The following UBE3A variants were observed in gnomAD, a reference collection of about 807,000 sequenced individuals.
UBE3A encodes ubiquitin protein ligase E3A.
A neutral mutation model predicts 83.4 loss-of-function variants in UBE3A; 6 were observed. That is an observed-to-expected ratio of 0.07 (90% CI 0.04 to 0.14). UBE3A has a LOEUF of 0.14. UBE3A is among the 10% of genes least tolerant of loss of function. UBE3A has a pLI of 1.00. For synonymous variants in UBE3A, 337 were observed against 355.4 expected, an observed-to-expected ratio of 0.95 and a Z score of 0.58; for missense variants, 456 against 1,036.1, an observed-to-expected ratio of 0.44 and a Z score of 7.69.
chr15:25,353,925 ATAT>A (rs2076872896), intron 11 of UBE3A: 1 of 240,236 alleles, frequency 4.2e-6, no homozygotes. Flanking sequence ...GTATCTGGAC[ATAT>A]TATCTTAAGA....
chr15:25,395,040 T>C (rs1040430776), intron 4 of UBE3A, among the ~76,000 whole-genome samples: 8 of 152,158 alleles, frequency 5.3e-5, no homozygotes, highest in African/African-American at 1.9e-4. Context: ...AGGAAAAGCA[T>C]CATTTGAGCA....
At chr15:25,368,387 T>A (rs781272049) in intron 6 of UBE3A, among the ~76,000 whole-genome samples, 470 of 151,890 alleles carry the variant, frequency 3.1e-3, no homozygotes, top group Non-Finnish European at 4.8e-3. Flanking sequence ...GTTATTTTTT[T>A]AAAAAAAAGA....
chr15:25,339,558 C>A, intron 12 of UBE3A: 1 of 289,902 alleles, frequency 3.4e-6, no homozygotes, highest in Non-Finnish European at 6.5e-6. Context: ...ACAACAAAAC[C>A]ACAGAGAGGA....
chr15:25,334,145 A>T lies in UBE3A; in HGVS notation c.*4992T>A, dbSNP rs556788410. 2 of 152,318 alleles carry T rather than the reference A, an allele frequency of 1.3e-5. No individual in the cohort carries two copies. The highest frequency in any genetic ancestry group is 2.1e-4 in the South Asian group (1 of 4,830). 9.4% of individuals were successfully genotyped at this position (152,318 alleles called of 1,614,324 possible). ...ATAGGAATCTAGACTGGAAAGGAAGAAGTAAAAGTATTTCTGTTCACAGAT... is the reference window on the plus strand; with the variant it reads ...ATAGGAATCTAGACTGGAAAGGAAGTAGTAAAAGTATTTCTGTTCACAGAT... On this transcript the variant is annotated 3_prime_UTR_variant, in exon 13 of 13. Coordinates refer to ENST00000648336, the MANE Select transcript of UBE3A (RefSeq NM_130839.5).
rs534401037 is a variant in UBE3A at position 25,333,980 on chromosome 15, C to T, written c.*5157G>A. ...CAACTTGAAGCAAACCCACAGCTAG[C>T]TAACATCATACTCAATGGTGAAAGA... On this transcript the variant is annotated 3_prime_UTR_variant, in exon 13 of 13. Coordinates refer to ENST00000648336, the MANE Select transcript of UBE3A (RefSeq NM_130839.5). 2 of 151,854 alleles carry T rather than the reference C, an allele frequency of 1.3e-5. No individual in the cohort carries two copies. The highest frequency in any genetic ancestry group is 2.9e-5 in the Non-Finnish European group (2 of 67,960). 9.4% of individuals were successfully genotyped at this position (151,854 alleles called of 1,614,324 possible).
In UBE3A at chr15:25,370,379, A is replaced by G. The variant is rs1221071282; in HGVS notation, c.1608+187T>C. ...ATGACCATTATATAATACAACCGAT[A>G]CTTTGTAGAACACATCTATAAACTT... On this transcript the variant is annotated intron_variant, in intron 6 of 12. Transcript: ENST00000648336. The surrounding 1 kb of genome is among the most constrained non-coding windows in gnomAD (Gnocchi z 4.2). Among the ~76,000 whole-genome samples the G allele has an allele frequency of 6.6e-6, 1 of 152,208 alleles. No individual in the cohort carries two copies. The highest frequency in any genetic ancestry group is 2.4e-5 in the African/African-American group (1 of 41,458).
intron 4 of UBE3A, among the ~76,000 whole-genome samples, chr15:25,399,527 G>A (rs1397001059): frequency 6.6e-6 from 1 of 151,958 alleles, no homozygotes; most frequent in Non-Finnish European, 1.5e-5. Flanking sequence ...ATTTATTTCT[G>A]TGCTCTCCAT....
intron 11 of UBE3A, among the ~76,000 whole-genome samples, chr15:25,345,020 A>G (rs1457885030): frequency 6.6e-6 from 1 of 152,158 alleles, no homozygotes; most frequent in Non-Finnish European, 1.5e-5. Flanking sequence ...CTGAATGAGA[A>G]AACCAAAGAC....
chr15:25,402,068 A>G (rs1277545397), intron 4 of UBE3A, among the ~76,000 whole-genome samples: 1 of 152,082 alleles, frequency 6.6e-6, no homozygotes, highest in Non-Finnish European at 1.5e-5. Flanking sequence ...CAGGTGCCTT[A>G]TTGTGTTCCT....
chr15:25,358,898 A>C lies in UBE3A; in HGVS notation c.1753+1485T>G, dbSNP rs144046872. On this transcript the variant is annotated intron_variant, in intron 7 of 12. Transcript: ENST00000648336. Reference sequence around the variant, plus strand: ...AAGTATGGTATTAACAGGATCAAGAACAGCTGACAAATAATTACAATTAAT... The same window carrying C: ...AAGTATGGTATTAACAGGATCAAGACCAGCTGACAAATAATTACAATTAAT... Among the ~76,000 whole-genome samples, 1,097 of 152,338 alleles carry C rather than the reference A, an allele frequency of 7.2e-3. 13 individuals are homozygous for C. Among genetic ancestry groups the C allele is most frequent in the African/African-American group, 0.025 (1,043 of 41,584 alleles).
At chr15:25,375,295 G>C in intron 5 of UBE3A, 170 bp downstream of exon 5, 1 of 724,570 alleles carries the variant, frequency 1.4e-6, no homozygotes, top group African/African-American at 1.8e-5. Context: ...GCAATGATTA[G>C]ACCTGTAAAA....
At chr15:25,375,137 T>C in intron 5 of UBE3A, 1 of 284,764 alleles carries the variant, frequency 3.5e-6, no homozygotes, top group Non-Finnish European at 6.7e-6. Context: ...TGCCAGATAC[T>C]TAGTCCAGTT....
intron 3 of UBE3A, 102 bp from the exon 4 acceptor site, chr15:25,405,604 C>G (rs1661003097): frequency 7.9e-7 from 1 of 1,259,494 alleles, no homozygotes; most frequent in African/African-American, 1.5e-5. Flanking sequence ...AAGATTTAAG[C>G]ACTAAATAAA....
chr15:25,378,811 C>T (rs542172330), intron 4 of UBE3A, among the ~76,000 whole-genome samples: 1 of 152,224 alleles, frequency 6.6e-6, no homozygotes, highest in Admixed American at 6.5e-5. Flanking sequence ...AGAATCATAA[C>T]GTGAACCTCA....
chr15:25,365,176 G>A (rs942929338), intron 6 of UBE3A, among the ~76,000 whole-genome samples: 1 of 151,678 alleles, frequency 6.6e-6, no homozygotes, highest in African/African-American at 2.4e-5. Flanking sequence ...TGAAATCCTA[G>A]GGAGTTCATT....
chr15:25,392,886 C>CT (rs1257626251), intron 4 of UBE3A, among the ~76,000 whole-genome samples: 2 of 152,098 alleles, frequency 1.3e-5, no homozygotes, highest in Non-Finnish European at 2.9e-5. Flanking sequence ...ATAAGTAATT[C>CT]TTTTTTTAGC....
In UBE3A at chr15:25,338,051, C is replaced by CCAT. The variant is rs1322078269; in HGVS notation, c.*1083_*1085dup. On this transcript the variant is annotated 3_prime_UTR_variant, in exon 13 of 13. Transcript: ENST00000648336. ...GATTAAGTAACACAAGGCACAGTAG[C>CCAT]CATCTTTTTCATTATGTTGCAACAC... is the stretch of plus-strand genomic sequence containing the variant. 4.6e-5 allele frequency: 7 copies of CCAT among 152,058 alleles called. No individual in the cohort carries two copies. Among genetic ancestry groups the CCAT allele is most frequent in the African/African-American group, 1.4e-4 (6 of 41,412 alleles). 9.4% of individuals were successfully genotyped at this position (152,058 alleles called of 1,614,324 possible).
chr15:25,403,521 A>T (rs1170624629), intron 4 of UBE3A, among the ~76,000 whole-genome samples: 2 of 152,166 alleles, frequency 1.3e-5, no homozygotes, highest in African/African-American at 4.8e-5. Context: ...TAGAAACGCA[A>T]ATAGGTACAG....
At chr15:25,395,906 CAT>C (rs1189375203) in intron 4 of UBE3A, among the ~76,000 whole-genome samples, 1 of 152,090 alleles carries the variant, frequency 6.6e-6, no homozygotes, top group Admixed American at 6.5e-5. Flanking sequence ...AAATACCAAA[CAT>C]AAAAAATCTG....
Sources: allele counts gnomAD v4.1 joint callset (sites outside exome capture counted in the v4.1 genomes callset), GRCh38; gene constraint gnomAD v4.1.1; non-coding constraint Gnocchi (gnomAD v3.1); transcripts MANE v1.5; gene names NCBI Gene and HGNC (gene_info 2026-07-23, HGNC 2026-07-21).